The following PSMC5 variants were observed in gnomAD, a reference collection of about 807,000 sequenced individuals.
PSMC5 encodes the protein 26S proteasome regulatory subunit 8.
A neutral mutation model predicts 49.1 loss-of-function variants in PSMC5; 11 were observed. The ratio of observed to expected loss-of-function variants is 0.22; its 90% CI spans 0.14 to 0.37. PSMC5 has a LOEUF of 0.37. PSMC5 is among the 10% of genes least tolerant of loss of function. The probability of loss-of-function intolerance (pLI) is 1.00; values close to 1 mark genes in which losing one functional copy is unlikely to be tolerated. For synonymous variants in PSMC5, 206 were observed against 192.2 expected, an observed-to-expected ratio of 1.07 and a Z score of -0.59; for missense variants, 229 against 520.9, an observed-to-expected ratio of 0.44 and a Z score of 5.45.
rs200196437 is a variant in PSMC5 at position 63,830,783 on chromosome 17, C to T, written c.553-26C>T. ...ATGAAATGAGGGGTGTAGCTTTCTG[C>T]CCTGAGTCCTGCTGTTCCCCTGTAG... On this transcript the variant is annotated intron_variant, in intron 6 of 11. Coordinates refer to ENST00000310144, the MANE Select transcript of PSMC5 (RefSeq NM_002805.6). This position sits in a 1 kb window ranked among gnomAD's most constrained non-coding sequence, Gnocchi z 4.0. 6.2e-7 allele frequency: 1 copy of T among 1,613,050 alleles called. No individual in the cohort carries two copies. Among genetic ancestry groups the T allele is most frequent in the African/African-American group, 1.3e-5 (1 of 74,834 alleles).
At position 63,827,432 on chromosome 17, in the gene PSMC5, C is replaced by T. The variant is rs2040120513; in HGVS notation, c.-59C>T. Reference sequence around the variant, plus strand: ...CTGGTCTTCAGGTCCCAATCCTCCGCTTCCGCGCTTGCGCGCCAAGACGGC... The same window carrying T: ...CTGGTCTTCAGGTCCCAATCCTCCGTTTCCGCGCTTGCGCGCCAAGACGGC... On this transcript the variant is annotated 5_prime_UTR_variant, in exon 1 of 12. Coordinates refer to ENST00000310144, the MANE Select transcript of PSMC5 (RefSeq NM_002805.6). 2 of 1,551,490 alleles carry T rather than the reference C, an allele frequency of 1.3e-6. No homozygotes were observed. The highest frequency in any genetic ancestry group is 1.4e-5 in the African/African-American group (1 of 73,072).
Position 63,827,597 on chromosome 17 carries a change from C to T in PSMC5, c.24+83C>T, listed in dbSNP as rs2040124857. On this transcript the variant is annotated intron_variant, in intron 1 of 11. Coordinates refer to ENST00000310144, the MANE Select transcript of PSMC5 (RefSeq NM_002805.6). ...GATCTGAGTGGAGAGCGGGCCGGGG[C>T]AGGAGCGTCGGGTGGGTCGGAGGTG... 3.2e-6 allele frequency: 5 copies of T among 1,550,006 alleles called. No individual in the cohort carries two copies. In the South Asian group the frequency reaches 3.6e-5, roughly 11 times the overall value.
rs1282949404 is a variant in PSMC5 at position 63,830,985 on chromosome 17, G to C, written c.679+50G>C. ...AGCAAGAGGTAGGGGTAGGGGGTTAGAGAGCTAATAAGCTAATAAGCTCCC... is the reference window on the plus strand; with the variant it reads ...AGCAAGAGGTAGGGGTAGGGGGTTACAGAGCTAATAAGCTAATAAGCTCCC... On this transcript the variant is annotated intron_variant, in intron 7 of 11. Coordinates refer to ENST00000310144, the MANE Select transcript of PSMC5 (RefSeq NM_002805.6). The surrounding 1 kb of genome is among the most constrained non-coding windows in gnomAD (Gnocchi z 4.0). The C allele has an allele frequency of 6.2e-7, 1 of 1,612,150 alleles. No individual in the cohort carries two copies. The highest frequency in any genetic ancestry group is 1.7e-5 in the Admixed American group (1 of 59,922).
rs755267764 is a variant in PSMC5 at position 63,827,522 on chromosome 17, G to T, written c.24+8G>T. On this transcript the variant is annotated splice_region_variant and intron_variant, in intron 1 of 11. Coordinates refer to ENST00000310144, the MANE Select transcript of PSMC5 (RefSeq NM_002805.6). ...CTTGACGGACCAGAGCAGGTATGGC[G>T]GGTGCAGTGGCGGCCCGGCAGGTTA... 7 of 1,551,688 alleles carry T rather than the reference G, an allele frequency of 4.5e-6. No individual in the cohort carries two copies. In the South Asian group the frequency reaches 8.3e-5, roughly 18 times the overall value.
chr17:63,828,526 G>A (rs1006331302), intron 2 of PSMC5: 5 of 248,192 alleles, frequency 2.0e-5, no homozygotes, highest in African/African-American at 1.1e-4. Context: ...TTATAAAAGG[G>A]AAACATAAGC....
chr17:63,827,760 G>GA, intron 1 of PSMC5: 2 of 1,432,550 alleles, frequency 1.4e-6, no homozygotes, highest in Non-Finnish European at 1.8e-6. Flanking sequence ...GCGCGGGAAT[G>GA]GCCGGCCCAC....
Position 63,832,013 on chromosome 17 carries a change from C to CCAAGT in PSMC5, c.*46_*50dup. On this transcript the variant is annotated 3_prime_UTR_variant, in exon 12 of 12. Transcript: ENST00000310144. ...TATCTCTCCAATAAAGCTCTGTGGG[C>CCAAGT]CAAGTCCTCTAGGACTCCAGTCTGT... 1 of 1,569,846 alleles carries CCAAGT rather than the reference C, an allele frequency of 6.4e-7. No homozygotes were observed. Among genetic ancestry groups the CCAAGT allele is most frequent in the Non-Finnish European group, 8.8e-7 (1 of 1,139,882 alleles).
In PSMC5 at chr17:63,828,218, G is replaced by T; in HGVS notation, c.96+9G>T. On this transcript the variant is annotated intron_variant, in intron 2 of 11. Coordinates refer to ENST00000310144, the MANE Select transcript of PSMC5 (RefSeq NM_002805.6). The stretch of plus-strand genomic sequence containing the variant: ...AGATTGAAGAACTCCAGGTGAGGAC[G>T]GACTCCAGAGGGAGCTAGGAAGGGT... The T allele has an allele frequency of 6.2e-7, 1 of 1,613,684 alleles. No homozygotes were observed. Among genetic ancestry groups the T allele is most frequent in the Non-Finnish European group, 8.5e-7 (1 of 1,179,722 alleles).
rs759586167 is a variant in PSMC5 at position 63,831,469 on chromosome 17, G to C, written c.970-37G>C. The C allele has an allele frequency of 9.1e-5, 146 of 1,612,112 alleles. No individual in the cohort carries two copies. The East Asian group carries it at 3.1e-3, about 34-fold the overall frequency. On this transcript the variant is annotated intron_variant, in intron 9 of 11. Coordinates refer to ENST00000310144, the MANE Select transcript of PSMC5 (RefSeq NM_002805.6). The surrounding 1 kb of genome is among the most constrained non-coding windows in gnomAD (Gnocchi z 6.3). ...GCAAAGTGGCTCTGGCTGTGGGGGT[G>C]GGGTGTGGGGCTCAGGCTTTTCCTT...
Position 63,831,330 on chromosome 17 carries a change from A to T in PSMC5, c.874A>T (p.Ile292Phe). 6.2e-7 allele frequency: 1 copy of T among 1,613,952 alleles called. No individual in the cohort carries two copies. Among genetic ancestry groups the T allele is most frequent in the Non-Finnish European group, 8.5e-7 (1 of 1,180,002 alleles). ...CCCACTTGCTTTCTCTGCTCAGGTT[A>T]TCATGGCTACTAATAGGATTGATAT... is the stretch of plus-strand genomic sequence containing the variant. ...GFEATKNIKVIMATNRIDILD... is the reference protein window; with the variant it reads ...GFEATKNIKVFMATNRIDILD... The change falls in exon 9 of 12, where the codon ATC (isoleucine) becomes TTC (phenylalanine). Residue 292 changes from isoleucine (I) to phenylalanine (F), a missense_variant. This residue lies in a region of PSMC5 where 121 missense variants were observed against 330.6 expected (regional missense o/e 0.37). Coordinates refer to ENST00000310144, the MANE Select transcript of PSMC5 (RefSeq NM_002805.6). The surrounding 1 kb of genome is among the most constrained non-coding windows in gnomAD (Gnocchi z 6.3).
chr17:63,830,414 C>T lies in PSMC5; in HGVS notation c.465C>T (p.Asp155=), dbSNP rs767421305. 8.7e-6 allele frequency: 14 copies of T among 1,614,072 alleles called. No individual in the cohort carries two copies. The highest frequency in any genetic ancestry group is 1.2e-5 in the Non-Finnish European group (14 of 1,180,040). ...CTTATGAGATGATTGGTGGACTGGACAAACAGATCAAGGAGATCAAAGAAG... is the reference window on the plus strand; with the variant it reads ...CTTATGAGATGATTGGTGGACTGGATAAACAGATCAAGGAGATCAAAGAAG... ...DSTYEMIGGL[D]KQIKEIKEVI... The change falls in exon 6 of 12, where the codon GAC becomes GAT. Residue 155 remains aspartate, a synonymous_variant. Coordinates refer to ENST00000310144, the MANE Select transcript of PSMC5 (RefSeq NM_002805.6). This position sits in a 1 kb window ranked among gnomAD's most constrained non-coding sequence, Gnocchi z 4.0.
intron 2 of PSMC5, 138 bp from the exon 3 acceptor site, chr17:63,829,356 A>T: frequency 1.4e-6 from 1 of 736,876 alleles, no homozygotes; most frequent in Non-Finnish European, 2.4e-6. Context: ...TTAGGATCAT[A>T]CTGGAGAATC....
Position 63,829,332 on chromosome 17 carries a change from A to G in PSMC5, c.97-162A>G, listed in dbSNP as rs1410232755. Reference sequence around the variant, plus strand: ...TAAGGTCCAGAGGGACTCTTGAAGGACAGGGCAGGGTCATTAGGATCATAC... The same window carrying G: ...TAAGGTCCAGAGGGACTCTTGAAGGGCAGGGCAGGGTCATTAGGATCATAC... On this transcript the variant is annotated intron_variant, in intron 2 of 11. Transcript: ENST00000310144. The G allele has an allele frequency of 7.7e-6, 5 of 645,934 alleles. No individual in the cohort carries two copies. The East Asian group carries it at 1.4e-4, about 18-fold the overall frequency. 40.0% of individuals were successfully genotyped at this position (645,934 alleles called of 1,614,324 possible). A position where few individuals can be genotyped will look rare whatever the true frequency, so the allele number is the denominator to read the frequency against.
chr17:63,830,549 C>A lies in PSMC5; in HGVS notation c.552+48C>A. 6.3e-7 allele frequency: 1 copy of A among 1,597,906 alleles called. No homozygotes were observed. Among genetic ancestry groups the A allele is most frequent in the Non-Finnish European group, 8.5e-7 (1 of 1,173,046 alleles). ...GAGGGCCAAGCTGTACTTACTCCTC[C>A]TGCCCCAGCCAGCCCTACTGCAGGG... On this transcript the variant is annotated intron_variant, in intron 6 of 11. Transcript: ENST00000310144. This position sits in a 1 kb window ranked among gnomAD's most constrained non-coding sequence, Gnocchi z 4.0.
Position 63,829,930 on chromosome 17 carries a change from A to G in PSMC5, c.245A>G (p.Lys82Arg). The G allele has an allele frequency of 6.2e-7, 1 of 1,611,758 alleles. No individual in the cohort carries two copies. Among genetic ancestry groups the G allele is most frequent in the Admixed American group, 1.7e-5 (1 of 59,586 alleles). Residue 82 changes from lysine to arginine, a missense_variant, in exon 4 of 12, where the codon AAG becomes AGG. Transcript: ENST00000310144. ...YVGEVVRAMD[K>R]KKVLVKVHPE... is the part of the protein sequence containing the mutation. The stretch of plus-strand genomic sequence containing the variant: ...GGGGAAGTAGTCCGGGCCATGGATA[A>G]GAAGAAAGTGTTGGTCAAGGTAAAA...
Position 63,831,397 on chromosome 17 carries a change from A to G in PSMC5, c.941A>G (p.Lys314Arg). The change falls in exon 9 of 12, where the codon AAA becomes AGA. Residue 314 changes from lysine to arginine, a missense_variant. Lys to Arg is a conservative substitution (Grantham distance 26). This residue lies in a region of PSMC5 where 121 missense variants were observed against 330.6 expected (regional missense o/e 0.37). Coordinates refer to ENST00000310144, the MANE Select transcript of PSMC5 (RefSeq NM_002805.6). This position sits in a 1 kb window ranked among gnomAD's most constrained non-coding sequence, Gnocchi z 6.3. ...CTTCGCCCAGGGCGCATTGACAGAA[A>G]AATTGAATTCCCACCCCCCAATGAG... ...ALLRPGRIDR[K>R]IEFPPPNEEA... 1 of 1,614,018 alleles carries G rather than the reference A, an allele frequency of 6.2e-7. No individual in the cohort carries two copies. The highest frequency in any genetic ancestry group is 8.5e-7 in the Non-Finnish European group (1 of 1,180,004).
rs780412308 is a variant in PSMC5, at chr17:63,831,764, G to T, written c.1121G>T (p.Arg374Leu). The T allele has an allele frequency of 6.2e-7, 1 of 1,614,156 alleles. No homozygotes were observed. The highest frequency in any genetic ancestry group is 8.5e-7 in the Non-Finnish European group (1 of 1,180,026). The change falls in exon 11 of 12, where the codon CGG becomes CTG. Residue 374 changes from arginine (R) to leucine (L), a missense_variant. By Grantham distance (102) the Arg-to-Leu change is moderately radical. Around this residue, in one of 4 missense-constraint regions of PSMC5, gnomAD observed 121 missense variants for 330.6 expected, o/e 0.37. Transcript: ENST00000310144. This position sits in a 1 kb window ranked among gnomAD's most constrained non-coding sequence, Gnocchi z 6.3. ...GCTGGCATGTATGCCCTGCGAGAAC[G>T]GCGAGTCCATGTCACTCAGGAGGAC... ...TEAGMYALRE[R>L]RVHVTQEDFE...
At position 63,831,860 on chromosome 17, in the gene PSMC5, G is replaced by A. The variant is rs2040193017; in HGVS notation, c.1167+50G>A. ...TTGCCAGTGGTGGCTCTGGGGCAGT[G>A]GGCTAGGGCATGTGTGTGTTCGTAA... is the stretch of plus-strand genomic sequence containing the variant. On this transcript the variant is annotated intron_variant, in intron 11 of 11. Coordinates refer to ENST00000310144, the MANE Select transcript of PSMC5 (RefSeq NM_002805.6). This position sits in a 1 kb window ranked among gnomAD's most constrained non-coding sequence, Gnocchi z 6.3. 8 of 1,612,802 alleles carry A rather than the reference G, an allele frequency of 5.0e-6. No individual in the cohort carries two copies. Among genetic ancestry groups the A allele is most frequent in the Non-Finnish European group, 6.8e-6 (8 of 1,178,818 alleles).
At chr17:63,827,770 C>T (rs2040128229) in intron 1 of PSMC5, 3 of 1,431,374 alleles carry the variant, frequency 2.1e-6, no homozygotes, top group South Asian at 1.5e-5. Context: ...GGCCGGCCCA[C>T]GGGTCGCAGG....
Sources: gnomAD v4.1 joint callset for allele counts on GRCh38, gnomAD v4.1.1 for gene constraint, gnomAD v4.1.1 regional missense constraint, Gnocchi (gnomAD v3.1) non-coding constraint, MANE v1.5 for transcripts, NCBI Gene and HGNC (gene_info 2026-07-23, HGNC 2026-07-21) for gene names.